Variants in PCDH15 observed in about 807,000 individuals in gnomAD.
The protein encoded by PCDH15 is protocadherin-15.
Under a neutral mutation model 178.5 loss-of-function variants are expected in PCDH15, and 129 were observed. The observed-to-expected ratio is 0.72, with a 90% CI of 0.63 to 0.84. The LOEUF is 0.84. PCDH15 is among the 40% of genes least tolerant of loss of function. The pLI, the probability that PCDH15 is intolerant of heterozygous loss-of-function variation, is 0.00. For missense variants in PCDH15, 2,230 were observed against 2,099.9 expected, an observed-to-expected ratio of 1.06 and a Z score of -1.21; for synonymous variants, 800 against 732.0, an observed-to-expected ratio of 1.09 and a Z score of -1.50.
chr10:53,949,548 T>C (rs2086843674), intron 23 of PCDH15, among the ~76,000 whole-genome samples: 2 of 152,164 alleles, frequency 1.3e-5, no homozygotes, highest in South Asian at 2.1e-4. Flanking sequence ...GCCTGGGCAA[T>C]ATAGCAAGAC....
intron 15 of PCDH15, among the ~76,000 whole-genome samples, chr10:54,124,744 T>A (rs1275039343): frequency 6.6e-6 from 1 of 152,160 alleles, no homozygotes; most frequent in Admixed American, 6.5e-5. Context: ...AACTCCTGTA[T>A]CATCTTCAGA....
At chr10:55,600,428 T>C in intron 2 of PCDH15, among the ~76,000 whole-genome samples, 1 of 151,944 alleles carries the variant, frequency 6.6e-6, no homozygotes, top group East Asian at 1.9e-4. Flanking sequence ...CGACTTAAAC[T>C]AAGACCGCAC....
intron 1 of PCDH15, among the ~76,000 whole-genome samples, chr10:54,717,546 C>A (rs1346379209): frequency 6.9e-6 from 1 of 143,946 alleles, no homozygotes; most frequent in Non-Finnish European, 1.5e-5. Flanking sequence ...AAATGCAAAT[C>A]AAAACCACAA....
chr10:55,458,418 C>T (rs577782308), intron 2 of PCDH15, among the ~76,000 whole-genome samples: 2 of 151,886 alleles, frequency 1.3e-5, no homozygotes, highest in African/African-American at 4.8e-5. Flanking sequence ...ATTAACTTCT[C>T]TTATCTATAA....
Position 54,236,917 on chromosome 10 carries a change from G to A in PCDH15, c.891C>T (p.Pro297=). Residue 297 remains proline (P), a synonymous_variant, in exon 9 of 38, where the codon CCC becomes CCT. Transcript: ENST00000644397. ...CTTGGATTGGTGGCGTAACAATAAT[G>A]GGGTTCAGTTCTTCCTGAAAAAAAA... is the stretch of plus-strand genomic sequence containing the variant. ...PELRTPEELN[P]IIVTPPIQAI... is the part of the protein sequence containing the mutation. 6.2e-7 allele frequency: 1 copy of A among 1,613,342 alleles called. No homozygotes were observed. The highest frequency in any genetic ancestry group is 8.5e-7 in the Non-Finnish European group (1 of 1,179,428).
intron 2 of PCDH15, among the ~76,000 whole-genome samples, chr10:55,592,466 T>A (rs1842861788): frequency 6.6e-6 from 1 of 152,188 alleles, no homozygotes; most frequent in Non-Finnish European, 1.5e-5. Context: ...CACAAGCTTC[T>A]CTGTCTATGG....
chr10:53,957,318 A>G (rs1380177864), intron 23 of PCDH15, among the ~76,000 whole-genome samples: 18 of 152,138 alleles, frequency 1.2e-4, no homozygotes. Context: ...TAGATAATTT[A>G]GTGAGAAACA....
intron 2 of PCDH15, among the ~76,000 whole-genome samples, chr10:55,006,687 G>A (rs899642588): frequency 1.3e-5 from 2 of 152,206 alleles, no homozygotes; most frequent in Non-Finnish European, 2.9e-5. Context: ...AGGCTGGGCA[G>A]AGCTGCTTAA....
chr10:54,921,702 T>A (rs900485104), intron 2 of PCDH15, among the ~76,000 whole-genome samples: 1 of 152,218 alleles, frequency 6.6e-6, no homozygotes, highest in South Asian at 2.1e-4. Flanking sequence ...ATAATGTTTA[T>A]GTACCACATT....
intron 2 of PCDH15, among the ~76,000 whole-genome samples, chr10:55,528,254 T>C (rs1283459393): frequency 2.0e-5 from 3 of 151,940 alleles, no homozygotes; most frequent in Admixed American, 1.3e-4. Context: ...TACTTTAAGT[T>C]TTAGGGTACA....
intron 25 of PCDH15, among the ~76,000 whole-genome samples, chr10:53,910,961 G>GA (rs1420717806): frequency 6.6e-6 from 1 of 151,892 alleles, no homozygotes; most frequent in Non-Finnish European, 1.5e-5. Context: ...GAAGTTTAGA[G>GA]AAAAAAAGAG....
intron 2 of PCDH15, among the ~76,000 whole-genome samples, chr10:55,409,602 T>C (rs1173279564): frequency 1.3e-5 from 2 of 152,162 alleles, no homozygotes; most frequent in South Asian, 2.1e-4. Flanking sequence ...TACCGTTCAG[T>C]GGTTAGAAAC....
intron 2 of PCDH15, among the ~76,000 whole-genome samples, chr10:54,940,721 T>C (rs370346970): frequency 6.6e-6 from 1 of 152,136 alleles, no homozygotes; most frequent in South Asian, 2.1e-4. Flanking sequence ...TGGGTGAATA[T>C]GTGTTTGTAA....
intron 20 of PCDH15, among the ~76,000 whole-genome samples, chr10:54,007,414 T>A (rs1043195802): frequency 1.3e-5 from 2 of 152,100 alleles, no homozygotes; most frequent in Admixed American, 1.3e-4. Flanking sequence ...TCATCACAGA[T>A]TCAGTTCTTC....
intron 29 of PCDH15, among the ~76,000 whole-genome samples, chr10:53,839,219 A>AAG (rs1386424011): frequency 6.6e-6 from 1 of 151,108 alleles, no homozygotes; most frequent in Non-Finnish European, 1.5e-5. Context: ...AAAAAAAAAA[A>AAG]AAAAGAATTG....
At chr10:53,907,621 C>A (rs916186786) in intron 25 of PCDH15, among the ~76,000 whole-genome samples, 4 of 152,152 alleles carry the variant, frequency 2.6e-5, no homozygotes, top group Non-Finnish European at 4.4e-5. Flanking sequence ...TTCTATGGGA[C>A]AATCTTTTCT....
chr10:54,653,284 T>A (rs150360957), intron 2 of PCDH15, among the ~76,000 whole-genome samples: 191 of 152,294 alleles, frequency 1.3e-3, no homozygotes, highest in African/African-American at 4.4e-3. Flanking sequence ...ATTAAATAAT[T>A]GGACATTCAT....
chr10:54,314,229 T>C (rs188619021), intron 8 of PCDH15, among the ~76,000 whole-genome samples: 1 of 151,994 alleles, frequency 6.6e-6, no homozygotes, highest in East Asian at 1.9e-4. Context: ...TATTAAATAT[T>C]TGTTTCAGCA....
At chr10:55,453,725 A>T (rs1839485380) in intron 2 of PCDH15, among the ~76,000 whole-genome samples, 1 of 151,944 alleles carries the variant, frequency 6.6e-6, no homozygotes, top group Non-Finnish European at 1.5e-5. Flanking sequence ...GACTGCAAAC[A>T]CTCTCCCAAT....
Sources: allele counts gnomAD v4.1 joint callset (sites outside exome capture counted in the v4.1 genomes callset), GRCh38; gene constraint gnomAD v4.1.1; transcripts MANE v1.5; gene names NCBI Gene and HGNC (gene_info 2026-07-23, HGNC 2026-07-21).